NALCN: variants seen among roughly 807,000 people sequenced by gnomAD.
NALCN encodes sodium leak channel NALCN.
A neutral mutation model predicts 225.3 loss-of-function variants in NALCN; 111 were observed. The ratio of observed to expected loss-of-function variants is 0.49; its 90% CI spans 0.42 to 0.58. The LOEUF is 0.58. Ranked by LOEUF, NALCN falls within the 20% of genes least tolerant of loss-of-function variation. The pLI, the probability that NALCN is intolerant of heterozygous loss-of-function variation, is 0.00. For missense variants in NALCN, 1,378 were observed against 2,202.4 expected (o/e 0.63, Z 7.49); for synonymous variants, 764 against 769.0 (o/e 0.99, Z 0.11).
chr13:101,309,318 T>C (rs534752452), intron 7 of NALCN, among the ~76,000 whole-genome samples: 74 of 152,346 alleles, frequency 4.9e-4, no homozygotes, highest in African/African-American at 1.7e-3. Context: ...CATCTTGTTA[T>C]TCTAGGCAAA....
rs868327618 is a variant in NALCN at position 101,358,782 on chromosome 13, C to T, written c.645-13362G>A. The stretch of plus-strand genomic sequence containing the variant: ...GCAACACTATTTACAATAGCAAAGA[C>T]ACGGAACCACCCAAATACCCATCAA... On this transcript the variant is annotated intron_variant, in intron 6 of 43. Coordinates refer to ENST00000251127, the MANE Select transcript of NALCN (RefSeq NM_052867.4). Among the ~76,000 whole-genome samples the T allele has an allele frequency of 4.6e-5, 7 of 152,260 alleles. 1 individual carries two copies. In the South Asian group the frequency reaches 1.5e-3, roughly 32 times the overall value.
intron 1 of NALCN, 93 bp from the exon 2 acceptor site, chr13:101,399,258 AT>A: frequency 1.3e-6 from 1 of 775,004 alleles, no homozygotes; most frequent in Non-Finnish European, 2.1e-6. Flanking sequence ...TTTGTAAGGC[AT>A]ATATGTGTTC....
intron 7 of NALCN, among the ~76,000 whole-genome samples, chr13:101,325,227 A>G (rs2044901870): frequency 6.6e-6 from 1 of 152,198 alleles, no homozygotes; most frequent in African/African-American, 2.4e-5. Context: ...AAGTGTATAA[A>G]CAGAGATGAC....
intron 10 of NALCN, among the ~76,000 whole-genome samples, chr13:101,278,856 G>T (rs2043052663): frequency 6.6e-6 from 1 of 152,178 alleles, no homozygotes; most frequent in Non-Finnish European, 1.5e-5. Context: ...ATGGAAAAGG[G>T]TGTTATTGCC....
chr13:101,202,045 C>T (rs1326976567), intron 13 of NALCN, among the ~76,000 whole-genome samples: 1 of 152,078 alleles, frequency 6.6e-6, no homozygotes, highest in Non-Finnish European at 1.5e-5. Flanking sequence ...CTCCTTGTTT[C>T]GATTTTTCCC....
chr13:101,067,274 G>GGAGGAGGGGGAAGAGGAGGGGGAA (rs562714356), intron 39 of NALCN, among the ~76,000 whole-genome samples: 2 of 41,196 alleles, frequency 4.9e-5, no homozygotes, highest in African/African-American at 2.6e-4. Flanking sequence ...AGGTGGACGA[G>GGAGGAGGGGGAAGAGGAGGGGGAA]GAGGAGGGGG....
intron 10 of NALCN, among the ~76,000 whole-genome samples, chr13:101,266,291 T>TAAC (rs10693371): frequency 2.0e-5 from 3 of 151,494 alleles, no homozygotes; most frequent in Non-Finnish European, 4.4e-5. Context: ...AGAAATCAGG[T>TAAC]GGAAGAGATT....
At chr13:101,290,599 A>G (rs1221017625) in intron 9 of NALCN, among the ~76,000 whole-genome samples, 1 of 152,240 alleles carries the variant, frequency 6.6e-6, no homozygotes, top group Non-Finnish European at 1.5e-5. Flanking sequence ...AAACTGAATA[A>G]GACTGACACT....
intron 1 of NALCN, among the ~76,000 whole-genome samples, chr13:101,412,672 T>G (rs1566666486): frequency 6.6e-6 from 1 of 152,230 alleles, no homozygotes; most frequent in Non-Finnish European, 1.5e-5. Context: ...AATTGTGAAC[T>G]GAACTTTAGC....
intron 1 of NALCN, among the ~76,000 whole-genome samples, chr13:101,412,876 G>C (rs1170167075): frequency 6.6e-6 from 1 of 152,120 alleles, no homozygotes; most frequent in Non-Finnish European, 1.5e-5. Flanking sequence ...GAATACAACA[G>C]CCAATTTTCT....
chr13:101,375,344 C>A (rs2046657728), intron 6 of NALCN, among the ~76,000 whole-genome samples: 1 of 152,048 alleles, frequency 6.6e-6, no homozygotes, highest in Non-Finnish European at 1.5e-5. Flanking sequence ...TGAGGAGTAA[C>A]CTAAATAATT....
intron 14 of NALCN, chr13:101,181,419 T>A (rs750613987): frequency 1.7e-5 from 8 of 478,184 alleles, no homozygotes; most frequent in Middle Eastern, 3.8e-4. Context: ...TTTGTGTGTG[T>A]GTTTTTGTTT....
chr13:101,346,212 C>T (rs547581810), intron 6 of NALCN, among the ~76,000 whole-genome samples: 24 of 151,666 alleles, frequency 1.6e-4, no homozygotes, highest in Middle Eastern at 3.4e-3. Context: ...TAAACATTCT[C>T]AAATGATATC....
intron 26 of NALCN, 118 bp from the exon 27 acceptor site, chr13:101,101,006 G>T: frequency 1.2e-6 from 1 of 807,278 alleles, no homozygotes; most frequent in East Asian, 2.9e-5. Flanking sequence ...ATGGGTTTTT[G>T]ATGATATATT....
Position 101,107,698 on chromosome 13 carries a change from C to T in NALCN, c.2456G>A (p.Arg819Lys). ...CATGGGACACTGCAGCAACCTGTAC[C>T]TTTTCATCTCTGCTTGCTCCTTTTT... is the stretch of plus-strand genomic sequence containing the variant. ...QEKKEQAEMKRKVQEEELREN... is the reference protein window; with the variant it reads ...QEKKEQAEMKKKVQEEELREN... Residue 819 changes from arginine to lysine, a missense_variant and splice_region_variant, in exon 21 of 44, where the codon AGG (arginine) becomes AAG (lysine). By Grantham distance (26) the Arg-to-Lys change is conservative. Coordinates refer to ENST00000251127, the MANE Select transcript of NALCN (RefSeq NM_052867.4). The T allele has an allele frequency of 6.2e-7, 1 of 1,613,888 alleles. No individual in the cohort carries two copies. The highest frequency in any genetic ancestry group is 8.5e-7 in the Non-Finnish European group (1 of 1,179,918).
intron 3 of NALCN, among the ~76,000 whole-genome samples, chr13:101,380,941 A>G (rs1293527936): frequency 6.6e-6 from 1 of 152,050 alleles, no homozygotes; most frequent in Admixed American, 6.6e-5. Flanking sequence ...GTAGAAAAAC[A>G]GATGTGAACA....
At chr13:101,324,523 T>G (rs917366762) in intron 7 of NALCN, among the ~76,000 whole-genome samples, 1 of 152,198 alleles carries the variant, frequency 6.6e-6, no homozygotes, top group African/African-American at 2.4e-5. Context: ...TCCTAGGTAT[T>G]TTACTCTCTT....
At chr13:101,389,125 G>GCCTAGCCAC (rs1478131437) in intron 3 of NALCN, among the ~76,000 whole-genome samples, 19 of 152,162 alleles carry the variant, frequency 1.2e-4, no homozygotes, top group Non-Finnish European at 2.8e-4. Context: ...ATAAAAACTA[G>GCCTAGCCAC]CCTAGCCACA....
At chr13:101,321,400 C>T (rs1434601789) in intron 7 of NALCN, among the ~76,000 whole-genome samples, 1 of 152,106 alleles carries the variant, frequency 6.6e-6, no homozygotes. Flanking sequence ...GAATAGAAAT[C>T]ACACTCATTT....
Sources: gnomAD v4.1 joint callset for allele counts (sites outside exome capture counted in the v4.1 genomes callset) on GRCh38, gnomAD v4.1.1 for gene constraint, MANE v1.5 for transcripts, NCBI Gene and HGNC (gene_info 2026-07-23, HGNC 2026-07-21) for gene names.